Variants in SULT2B1 observed in about 807,000 individuals in gnomAD.
The protein encoded by SULT2B1 is sulfotransferase 2B1.
In SULT2B1, 16 loss-of-function variants were observed where a neutral mutation model predicts 33.2. The observed-to-expected ratio is 0.48, with a 90% CI of 0.33 to 0.73. The LOEUF (loss-of-function observed/expected upper bound fraction) is 0.73, where lower values mean the gene tolerates loss of function less well. Ranked by LOEUF, SULT2B1 falls within the 30% of genes least tolerant of loss-of-function variation. The pLI, the probability that SULT2B1 is intolerant of heterozygous loss-of-function variation, is 0.02. For synonymous variants in SULT2B1, 186 were observed against 200.5 expected, an observed-to-expected ratio of 0.93 and a Z score of 0.61; for missense variants, 500 against 506.0, an observed-to-expected ratio of 0.99 and a Z score of 0.11.
rs115012682 is a variant in SULT2B1, at chr19:48,583,830, A to G, written c.215-3399A>G. ...CAGACTGTCTCAAACAAACAAACAAAAGGCCAGGCACAGTGGCTTACGCCT... is the reference window on the plus strand; with the variant it reads ...CAGACTGTCTCAAACAAACAAACAAGAGGCCAGGCACAGTGGCTTACGCCT... On this transcript the variant is annotated intron_variant, in intron 2 of 6. Coordinates refer to ENST00000201586, the MANE Select transcript of SULT2B1 (RefSeq NM_177973.2). 2.0e-3 allele frequency among the ~76,000 whole-genome samples: 283 copies of G among 141,648 alleles called. 1 individual carries two copies. The highest frequency in any genetic ancestry group is 6.9e-3 in the African/African-American group (269 of 38,756). 92.9% of individuals were successfully genotyped at this position (141,648 alleles called of 152,430 possible). A position where few individuals can be genotyped will look rare whatever the true frequency, so the allele number is the denominator to read the frequency against.
At chr19:48,581,029 CTTTTTTTTTTTTTTT>C (rs57093444) in intron 2 of SULT2B1, among the ~76,000 whole-genome samples, 2 of 65,072 alleles carry the variant, frequency 3.1e-5, no homozygotes, top group African/African-American at 1.3e-4. Context: ...ATATATATTC[CTTTTTTTTTTTTTTT>C]TTTTTTTTTG....
intron 5 of SULT2B1, chr19:48,595,830 C>A (rs1973705860): frequency 6.6e-6 from 1 of 152,072 alleles, no homozygotes; most frequent in Non-Finnish European, 1.5e-5. Context: ...CCACACCCAG[C>A]TAATTTTTGT....
At chr19:48,576,697 T>G (rs1345078890) in intron 2 of SULT2B1, among the ~76,000 whole-genome samples, 2 of 147,446 alleles carry the variant, frequency 1.4e-5, no homozygotes, top group African/African-American at 5.1e-5. Flanking sequence ...TTCAGTGTGA[T>G]GGTACAATCT....
chr19:48,584,547 G>GACAT (rs1973538531), intron 2 of SULT2B1, among the ~76,000 whole-genome samples: 2 of 152,210 alleles, frequency 1.3e-5, no homozygotes, highest in Non-Finnish European at 2.9e-5. Flanking sequence ...ACGGCAGAGA[G>GACAT]GCATGAAGTT....
At chr19:48,585,466 G>A (rs1601106198) in intron 2 of SULT2B1, among the ~76,000 whole-genome samples, 1 of 151,778 alleles carries the variant, frequency 6.6e-6, no homozygotes, top group Non-Finnish European at 1.5e-5. Flanking sequence ...TCAAGAGTTC[G>A]AGACCAGCCT....
chr19:48,576,356 TCTC>T lies in SULT2B1; in HGVS notation c.214+274_214+276del, dbSNP rs375968101. Among the ~76,000 whole-genome samples, 550 of 70,722 alleles carry T rather than the reference TCTC, an allele frequency of 7.8e-3. 57 individuals are homozygous for T. The highest frequency in any genetic ancestry group is 0.037 in the Admixed American group (287 of 7,756). The allele number at this position is 70,722 out of a possible 152,430, so 46.4% of individuals were successfully genotyped here. On this transcript the variant is annotated intron_variant, in intron 2 of 6. Transcript: ENST00000201586. The stretch of plus-strand genomic sequence containing the variant: ...CTCCCTTTCCCCTTTACCCTCTACT[TCTC>T]TTTTTTTTTTTTTTTTTTGTAGAGA...
chr19:48,592,243 G>C (rs1405162044), intron 4 of SULT2B1, among the ~76,000 whole-genome samples: 1 of 152,144 alleles, frequency 6.6e-6, no homozygotes, highest in Non-Finnish European at 1.5e-5. Context: ...AGTGAGCCAA[G>C]ATCGTGCCAC....
At chr19:48,586,933 A>C (rs1332503892) in intron 2 of SULT2B1, among the ~76,000 whole-genome samples, 4 of 152,092 alleles carry the variant, frequency 2.6e-5, no homozygotes, top group Admixed American at 6.6e-5. Flanking sequence ...CAACATGGGG[A>C]GACCTCGTCT....
rs570298140 is a variant in SULT2B1 at position 48,562,310 on chromosome 19, C to A, written c.71+9987C>A. ...GGCTGAGGCAGAAGAATCACTTGAA[C>A]CCTGGAGGTGGAGGTTGCAGTGAGC... On this transcript the variant is annotated intron_variant, in intron 1 of 6. Coordinates refer to ENST00000201586, the MANE Select transcript of SULT2B1 (RefSeq NM_177973.2). 6.6e-4 allele frequency among the ~76,000 whole-genome samples: 100 copies of A among 152,124 alleles called. 1 individual carries two copies. The South Asian group carries it at 0.02, about 31-fold the overall frequency.
chr19:48,572,904 T>C (rs1601095974), intron 1 of SULT2B1, among the ~76,000 whole-genome samples: 2 of 151,472 alleles, frequency 1.3e-5, no homozygotes, highest in South Asian at 4.2e-4. Flanking sequence ...TGCCTGGAAT[T>C]CCAGCACTTT....
intron 1 of SULT2B1, among the ~76,000 whole-genome samples, chr19:48,573,088 C>T (rs942882701): frequency 1.3e-5 from 2 of 148,548 alleles, no homozygotes; most frequent in African/African-American, 2.5e-5. Flanking sequence ...ACTTGGAAGG[C>T]GGAGGTTGCA....
intron 1 of SULT2B1, among the ~76,000 whole-genome samples, chr19:48,553,569 T>C (rs11878385): frequency 0.18 from 27,234 of 152,132 alleles, 3,947 homozygotes; most frequent in African/African-American, 0.4. Flanking sequence ...TGCCTCGGCC[T>C]CCCAAAGTGC....
At chr19:48,556,643 T>A (rs1225340279) in intron 1 of SULT2B1, among the ~76,000 whole-genome samples, 1 of 149,452 alleles carries the variant, frequency 6.7e-6, no homozygotes, top group Admixed American at 6.7e-5. Context: ...AATACACGCA[T>A]ATGTGATTTA....
chr19:48,569,917 C>T (rs945585313), intron 1 of SULT2B1, among the ~76,000 whole-genome samples: 9 of 151,942 alleles, frequency 5.9e-5, no homozygotes, highest in Non-Finnish European at 1.0e-4. Flanking sequence ...CCACCTGTCT[C>T]GGCTTCCTAA....
At position 48,552,670 on chromosome 19, in the gene SULT2B1, C is replaced by T. The variant is rs1371309335; in HGVS notation, c.71+347C>T. 6.6e-6 allele frequency among the ~76,000 whole-genome samples: 1 copy of T among 152,104 alleles called. No homozygotes were observed. Among genetic ancestry groups the T allele is most frequent in the Admixed American group, 6.6e-5 (1 of 15,264 alleles). ...GGCAGCTTGGTGCATAGTAGTTGCT[C>T]AGGAAACACAACAGCCTGTAGTACC... On this transcript the variant is annotated intron_variant, in intron 1 of 6. Transcript: ENST00000201586. This position sits in a 1 kb window ranked among gnomAD's most constrained non-coding sequence, Gnocchi z 4.8.
chr19:48,558,861 T>C (rs1973139524), intron 1 of SULT2B1, among the ~76,000 whole-genome samples: 1 of 151,786 alleles, frequency 6.6e-6, no homozygotes, highest in African/African-American at 2.4e-5. Flanking sequence ...AATTTTTGTA[T>C]TTTTAGTTGA....
At chr19:48,559,402 GCT>G (rs1337573626) in intron 1 of SULT2B1, among the ~76,000 whole-genome samples, 1 of 151,862 alleles carries the variant, frequency 6.6e-6, no homozygotes, top group Non-Finnish European at 1.5e-5. Context: ...ACAGAGTCTT[GCT>G]CTGTCGCCCA....
chr19:48,578,955 C>A (rs1173221591), intron 2 of SULT2B1, among the ~76,000 whole-genome samples: 1 of 152,030 alleles, frequency 6.6e-6, no homozygotes, highest in Non-Finnish European at 1.5e-5. Flanking sequence ...TAAGCCATCA[C>A]CTCCCAATCC....
intron 1 of SULT2B1, among the ~76,000 whole-genome samples, chr19:48,553,462 C>T (rs1425656391): frequency 6.6e-6 from 1 of 152,160 alleles, no homozygotes. Flanking sequence ...AGCCCGCCAC[C>T]ATGCCCGGCT....
Sources: allele counts gnomAD v4.1 joint callset (sites outside exome capture counted in the v4.1 genomes callset), GRCh38; gene constraint gnomAD v4.1.1; non-coding constraint Gnocchi (gnomAD v3.1); transcripts MANE v1.5; gene names NCBI Gene and HGNC (gene_info 2026-07-23, HGNC 2026-07-21).